The following CPNE4 variants were observed in gnomAD, a reference collection of about 807,000 sequenced individuals.
The protein encoded by CPNE4 is copine 4, also known as copine-4.
In CPNE4, 25 loss-of-function variants were observed where a neutral mutation model predicts 67.9. The observed-to-expected ratio is 0.37, with a 90% CI of 0.27 to 0.51. The LOEUF (loss-of-function observed/expected upper bound fraction) is 0.51, where lower values mean the gene tolerates loss of function less well. Ranked by LOEUF, CPNE4 falls within the 20% of genes least tolerant of loss-of-function variation. CPNE4 has a pLI of 0.93. For missense variants in CPNE4, 464 were observed against 690.8 expected (o/e 0.67, Z 3.68); for synonymous variants, 242 against 244.9 (o/e 0.99, Z 0.11).
chr3:131,916,026 A>G (rs986487907), intron 1 of CPNE4, among the ~76,000 whole-genome samples: 7 of 152,204 alleles, frequency 4.6e-5, no homozygotes, highest in African/African-American at 1.7e-4. Context: ...GTTAAATTTG[A>G]ACTAAATCGC....
intron 2 of CPNE4, among the ~76,000 whole-genome samples, chr3:131,772,370 G>A (rs1332251030): frequency 6.6e-6 from 1 of 152,186 alleles, no homozygotes; most frequent in Non-Finnish European, 1.5e-5. Context: ...GATCTCAAGA[G>A]TGTTGCCACA....
chr3:131,867,864 A>G (rs1481519177), intron 2 of CPNE4, among the ~76,000 whole-genome samples: 1 of 152,184 alleles, frequency 6.6e-6, no homozygotes, highest in Non-Finnish European at 1.5e-5. Context: ...ACGTTGATGG[A>G]TAATGAATGA....
At chr3:132,006,309 A>G (rs1255714891) in intron 1 of CPNE4, among the ~76,000 whole-genome samples, 1 of 152,144 alleles carries the variant, frequency 6.6e-6, no homozygotes, top group Non-Finnish European at 1.5e-5. Flanking sequence ...TTTCCTCATC[A>G]ATAAAATTGA....
chr3:132,023,637 G>A (rs1432437510), intron 1 of CPNE4, among the ~76,000 whole-genome samples: 1 of 151,768 alleles, frequency 6.6e-6, no homozygotes, highest in African/African-American at 2.4e-5. Flanking sequence ...ACAAGCACCC[G>A]CCACTACGCC....
chr3:131,738,254 CAT>C (rs1187434596), intron 2 of CPNE4, among the ~76,000 whole-genome samples: 1 of 152,254 alleles, frequency 6.6e-6, no homozygotes, highest in African/African-American at 2.4e-5. Context: ...ATATACAGCA[CAT>C]GTGACAAATC....
intron 2 of CPNE4, among the ~76,000 whole-genome samples, chr3:131,891,153 G>GAAAA (rs2088097355): frequency 6.6e-6 from 1 of 151,796 alleles, no homozygotes; most frequent in African/African-American, 2.4e-5. Context: ...GAAGATGATG[G>GAAAA]ATATATATAT....
chr3:131,913,155 G>A (rs952159564), intron 1 of CPNE4, among the ~76,000 whole-genome samples: 7 of 152,058 alleles, frequency 4.6e-5, no homozygotes, highest in Non-Finnish European at 8.8e-5. Context: ...AATGTCAGGC[G>A]ACCATCAGGT....
At chr3:132,030,925 T>C (rs1316400722) in intron 1 of CPNE4, among the ~76,000 whole-genome samples, 1 of 152,240 alleles carries the variant, frequency 6.6e-6, no homozygotes, top group Non-Finnish European at 1.5e-5. Context: ...GAAAAGATGA[T>C]GCATCTTACC....
At position 131,650,744 on chromosome 3, in the gene CPNE4, C is replaced by CAAAAAAA. The variant is rs141219633; in HGVS notation, c.681+18924_681+18930dup. On this transcript the variant is annotated intron_variant, in intron 7 of 15. Coordinates refer to ENST00000429747, the MANE Select transcript of CPNE4 (RefSeq NM_130808.3). ...TGGGGGACAGAGCAAGACTCCGTCT[C>CAAAAAAA]AAAAAAAAAAAAAAAAAAAAAAAAA... Among the ~76,000 whole-genome samples, 26 of 61,196 alleles carry CAAAAAAA rather than the reference C, an allele frequency of 4.2e-4. 1 individual carries two copies. The highest frequency in any genetic ancestry group is 1.9e-3 in the African/African-American group (22 of 11,526). 40.1% of individuals were successfully genotyped at this position (61,196 alleles called of 152,430 possible). A position where few individuals can be genotyped will look rare whatever the true frequency, so the allele number is the denominator to read the frequency against.
chr3:131,682,411 G>A (rs1366034568), intron 6 of CPNE4, among the ~76,000 whole-genome samples: 2 of 152,022 alleles, frequency 1.3e-5, no homozygotes, highest in African/African-American at 2.4e-5. Context: ...GTACAGTGGT[G>A]GTCTTGGATA....
At chr3:131,945,627 A>G (rs998964983) in intron 1 of CPNE4, among the ~76,000 whole-genome samples, 3 of 152,062 alleles carry the variant, frequency 2.0e-5, no homozygotes, top group African/African-American at 7.2e-5. Flanking sequence ...TCTTTGTACA[A>G]GTGTAGAAAC....
chr3:131,752,029 C>T (rs73220464), intron 2 of CPNE4, among the ~76,000 whole-genome samples: 13,012 of 152,022 alleles, frequency 0.086, 732 homozygotes, highest in Non-Finnish European at 0.13. Context: ...TGTACTAGGC[C>T]TCCTCTAACA....
Position 131,572,280 on chromosome 3 carries a change from C to A in CPNE4, c.927+2791G>T, listed in dbSNP as rs554476401. On this transcript the variant is annotated intron_variant, in intron 10 of 15. Transcript: ENST00000429747. ...GGAAGTTTAATAAAGGGACAATTCACAAACATGTGGAAAAGGTTAATGGAA... is the reference window on the plus strand; with the variant it reads ...GGAAGTTTAATAAAGGGACAATTCAAAAACATGTGGAAAAGGTTAATGGAA... Among the ~76,000 whole-genome samples, 3 of 152,134 alleles carry A rather than the reference C, an allele frequency of 2.0e-5. No homozygotes were observed. The South Asian group carries it at 6.2e-4, about 32-fold the overall frequency.
chr3:131,798,299 T>C (rs1397101081), intron 2 of CPNE4, among the ~76,000 whole-genome samples: 1 of 152,130 alleles, frequency 6.6e-6, no homozygotes, highest in Non-Finnish European at 1.5e-5. Context: ...TTCAGAGGCC[T>C]CACTCACAAG....
At chr3:131,861,402 TTGTGTGTGTGTGTGTG>T (rs5852659) in intron 2 of CPNE4, among the ~76,000 whole-genome samples, 31,314 of 144,326 alleles carry the variant, frequency 0.22, 3,789 homozygotes, top group Non-Finnish European at 0.26. Flanking sequence ...TATCTCATCT[TTGTGTGTGTGTGTGTG>T]TGTGTGTGTG....
intron 2 of CPNE4, among the ~76,000 whole-genome samples, chr3:131,741,640 G>A (rs1443206403): frequency 1.3e-5 from 2 of 152,126 alleles, no homozygotes; most frequent in African/African-American, 4.8e-5. Flanking sequence ...ACAGCAAAGA[G>A]TTGGTACTTT....
intron 1 of CPNE4, among the ~76,000 whole-genome samples, chr3:132,005,338 TATATAC>T (rs1182522952): frequency 3.4e-5 from 1 of 29,690 alleles, no homozygotes; most frequent in Non-Finnish European, 7.7e-5. Flanking sequence ...TATATATATA[TATATAC>T]ACACACACAC....
chr3:131,846,350 C>T (rs183487260), intron 2 of CPNE4, among the ~76,000 whole-genome samples: 73 of 152,214 alleles, frequency 4.8e-4, no homozygotes, highest in African/African-American at 1.6e-3. Flanking sequence ...CATATATTTC[C>T]AACACTCTTG....
intron 2 of CPNE4, among the ~76,000 whole-genome samples, chr3:131,740,184 G>A (rs1164092695): frequency 6.6e-6 from 1 of 152,220 alleles, no homozygotes; most frequent in East Asian, 1.9e-4. Flanking sequence ...GACTGGTACA[G>A]CTGGGTATTT....
Sources: allele counts gnomAD v4.1 joint callset (sites outside exome capture counted in the v4.1 genomes callset), GRCh38; gene constraint gnomAD v4.1.1; transcripts MANE v1.5; gene names NCBI Gene and HGNC (gene_info 2026-07-23, HGNC 2026-07-21).